Variants in FBXL20 observed in about 807,000 individuals in gnomAD.
FBXL20 encodes the protein F-box/LRR-repeat protein 20.
FBXL20 carries 11 observed loss-of-function variants against 64.0 expected under a neutral mutation model. The observed-to-expected ratio is 0.17, with a 90% CI of 0.11 to 0.28. FBXL20 has a LOEUF of 0.28. FBXL20 is among the 10% of genes least tolerant of loss of function. The pLI, the probability that FBXL20 is intolerant of heterozygous loss-of-function variation, is 1.00. For missense variants in FBXL20, 303 were observed against 526.2 expected (o/e 0.58, Z 4.15); for synonymous variants, 184 against 189.0 (o/e 0.97, Z 0.22).
intron 1 of FBXL20, among the ~76,000 whole-genome samples, chr17:39,372,239 G>T (rs928858619): frequency 1.3e-5 from 2 of 151,804 alleles, no homozygotes; most frequent in Non-Finnish European, 2.9e-5. Context: ...CCAAAAAAAA[G>T]GCCAGGCACG....
At chr17:39,399,095 A>T (rs2048215891) in intron 1 of FBXL20, among the ~76,000 whole-genome samples, 1 of 152,258 alleles carries the variant, frequency 6.6e-6, no homozygotes, top group Non-Finnish European at 1.5e-5. Context: ...CAATGAATCA[A>T]CTATCTGAAA....
At chr17:39,368,912 C>T (rs2047887989) in intron 1 of FBXL20, among the ~76,000 whole-genome samples, 3 of 152,114 alleles carry the variant, frequency 2.0e-5, no homozygotes, top group Non-Finnish European at 4.4e-5. Context: ...ACTTCGGCCT[C>T]CCAAAGTGCT....
intron 1 of FBXL20, among the ~76,000 whole-genome samples, chr17:39,364,910 A>T (rs1352744114): frequency 6.6e-6 from 1 of 152,218 alleles, no homozygotes; most frequent in African/African-American, 2.4e-5. Flanking sequence ...CAGGCTGCAT[A>T]ATGAATTGTT....
At chr17:39,334,044 G>A (rs947517024) in intron 2 of FBXL20, among the ~76,000 whole-genome samples, 3 of 152,188 alleles carry the variant, frequency 2.0e-5, no homozygotes, top group Non-Finnish European at 4.4e-5. Context: ...GGAAATGTGG[G>A]GAAAAGAAAG....
intron 1 of FBXL20, among the ~76,000 whole-genome samples, chr17:39,346,671 A>G (rs1275766210): frequency 6.6e-6 from 1 of 152,164 alleles, no homozygotes; most frequent in Non-Finnish European, 1.5e-5. Context: ...ACAGACTACT[A>G]GAAATGCTAA....
intron 12 of FBXL20, among the ~76,000 whole-genome samples, chr17:39,267,296 G>A (rs528832207): frequency 1.3e-4 from 19 of 151,896 alleles, no homozygotes; most frequent in East Asian, 3.9e-4. Context: ...CAGTCTGAGC[G>A]GTAACAGCAA....
chr17:39,338,851 T>C (rs2047554548), intron 2 of FBXL20, among the ~76,000 whole-genome samples: 1 of 152,076 alleles, frequency 6.6e-6, no homozygotes, highest in Non-Finnish European at 1.5e-5. Context: ...GATATTCTAT[T>C]TTAAAACTGA....
intron 6 of FBXL20, among the ~76,000 whole-genome samples, chr17:39,286,699 G>A (rs2046991099): frequency 6.6e-6 from 1 of 151,738 alleles, no homozygotes. Context: ...TTGGAAGGCT[G>A]AGGCAGAAGA....
chr17:39,394,591 G>A (rs1464336267), intron 1 of FBXL20, among the ~76,000 whole-genome samples: 1 of 148,622 alleles, frequency 6.7e-6, no homozygotes, highest in Non-Finnish European at 1.5e-5. Flanking sequence ...TTAAGACGGA[G>A]TCTCATTCTG....
chr17:39,333,988 A>C (rs1358745853), intron 2 of FBXL20, among the ~76,000 whole-genome samples: 1 of 152,222 alleles, frequency 6.6e-6, no homozygotes, highest in Non-Finnish European at 1.5e-5. Context: ...CAGCTCATTG[A>C]GAACGGGCCA....
intron 3 of FBXL20, among the ~76,000 whole-genome samples, chr17:39,302,878 T>G (rs2047150255): frequency 6.6e-6 from 1 of 152,038 alleles, no homozygotes; most frequent in Non-Finnish European, 1.5e-5. Flanking sequence ...ATATAGTGAT[T>G]TGGGACTTAG....
chr17:39,350,785 C>T (rs537531913), intron 1 of FBXL20, among the ~76,000 whole-genome samples: 2 of 152,162 alleles, frequency 1.3e-5, no homozygotes, highest in African/African-American at 4.8e-5. Context: ...GCAGGAGTAT[C>T]AGCATCAACC....
intron 12 of FBXL20, among the ~76,000 whole-genome samples, chr17:39,268,372 A>ATAT (rs1216518707): frequency 1.3e-5 from 2 of 152,098 alleles, no homozygotes; most frequent in Non-Finnish European, 2.9e-5. Context: ...AATAATAATA[A>ATAT]TTAAAAAATA....
intron 6 of FBXL20, among the ~76,000 whole-genome samples, chr17:39,286,572 G>A (rs947130999): frequency 4.6e-5 from 7 of 152,104 alleles, no homozygotes; most frequent in Admixed American, 3.3e-4. Flanking sequence ...GCTGAGGTGG[G>A]TGGATCACCT....
intron 2 of FBXL20, among the ~76,000 whole-genome samples, chr17:39,312,987 C>T (rs1294064137): frequency 3.4e-5 from 5 of 145,576 alleles, no homozygotes; most frequent in Non-Finnish European, 3.0e-5. Flanking sequence ...GGCGCGATCT[C>T]GGCTCACTGC....
At chr17:39,333,389 T>G (rs1489713881) in intron 2 of FBXL20, among the ~76,000 whole-genome samples, 1 of 152,258 alleles carries the variant, frequency 6.6e-6, no homozygotes, top group Non-Finnish European at 1.5e-5. Flanking sequence ...GCGAGTGATC[T>G]GCCAGCCTCG....
intron 1 of FBXL20, among the ~76,000 whole-genome samples, chr17:39,392,694 A>G (rs2048146134): frequency 6.6e-6 from 1 of 152,020 alleles, no homozygotes; most frequent in African/African-American, 2.4e-5. Flanking sequence ...AGCTATACGT[A>G]TGGTATCTTA....
At chr17:39,399,962 C>T (rs1190136425) in intron 1 of FBXL20, among the ~76,000 whole-genome samples, 1 of 152,158 alleles carries the variant, frequency 6.6e-6, no homozygotes, top group East Asian at 1.9e-4. Flanking sequence ...CTGTTAACTG[C>T]TGAACGTCTA....
intron 2 of FBXL20, among the ~76,000 whole-genome samples, chr17:39,310,153 T>A (rs1403372141): frequency 5.1e-4 from 69 of 134,734 alleles, no homozygotes; most frequent in Non-Finnish European, 8.3e-4. Flanking sequence ...TCTACAAATT[T>A]AAAAAAAAAA....
Sources: gnomAD v4.1 joint callset for allele counts (sites outside exome capture counted in the v4.1 genomes callset) on GRCh38, gnomAD v4.1.1 for gene constraint, MANE v1.5 for transcripts, NCBI Gene and HGNC (gene_info 2026-07-23, HGNC 2026-07-21) for gene names.